Variants in PDE6B observed in about 807,000 individuals in gnomAD.
PDE6B encodes rod cGMP-specific 3',5'-cyclic phosphodiesterase subunit beta.
Under a neutral mutation model 109.0 loss-of-function variants are expected in PDE6B, and 106 were observed. The observed-to-expected ratio is 0.97, with a 90% CI of 0.83 to 1.14. PDE6B has a LOEUF of 1.14. PDE6B is among the 50% of genes most tolerant of loss of function. PDE6B has a pLI of 0.00. For missense variants in PDE6B, 1,193 were observed against 1,155.6 expected (o/e 1.03, Z -0.47); for synonymous variants, 490 against 471.3 (o/e 1.04, Z -0.51).
At position 657,043 on chromosome 4, in the gene PDE6B, T is replaced by C. The variant is rs777317740; in HGVS notation, c.1257+20T>C. 8 of 1,611,256 alleles carry C rather than the reference T, an allele frequency of 5.0e-6. No homozygotes were observed. The highest frequency in any genetic ancestry group is 6.8e-6 in the Non-Finnish European group (8 of 1,178,600). The stretch of plus-strand genomic sequence containing the variant: ...ATGGAGGTAAGCACCTGGGCAGACG[T>C]GGTTCCGCCGGGGATGCCCTGCGAG... On this transcript the variant is annotated intron_variant, in intron 9 of 21. Transcript: ENST00000496514.
At chr4:659,574 T>A (rs562367311) in intron 11 of PDE6B, among the ~76,000 whole-genome samples, 2 of 150,036 alleles carry the variant, frequency 1.3e-5, no homozygotes, top group Non-Finnish European at 3.0e-5. Context: ...CACATGTGGG[T>A]GTGTGTGTGC....
intron 1 of PDE6B, among the ~76,000 whole-genome samples, chr4:630,897 A>G (rs945535897): frequency 3.3e-5 from 5 of 152,206 alleles, no homozygotes; most frequent in African/African-American, 1.2e-4. Flanking sequence ...TGGAAGGACC[A>G]GGGAGTGAAT....
chr4:668,051 C>T, intron 21 of PDE6B, 45 bp downstream of exon 21: 2 of 1,576,916 alleles, frequency 1.3e-6, no homozygotes, highest in Non-Finnish European at 1.7e-6. Flanking sequence ...GGTGACTCTC[C>T]CAAGGCAAAA....
rs1737800311 is a variant in PDE6B at position 666,425 on chromosome 4, C to A, written c.2269-106C>A. On this transcript the variant is annotated intron_variant, in intron 19 of 21. Transcript: ENST00000496514. The surrounding 1 kb of genome is among the most constrained non-coding windows in gnomAD (Gnocchi z 5.6). ...TTCTGTCAGGCAGGCTCGTCCCAGGCTGTGTCTCCATGAGCACATCTGAGT... is the reference window on the plus strand; with the variant it reads ...TTCTGTCAGGCAGGCTCGTCCCAGGATGTGTCTCCATGAGCACATCTGAGT... The A allele has an allele frequency of 1.3e-6, 1 of 781,212 alleles. No individual in the cohort carries two copies. Among genetic ancestry groups the A allele is most frequent in the Non-Finnish European group, 2.3e-6 (1 of 434,480 alleles). 48.4% of individuals were successfully genotyped at this position (781,212 alleles called of 1,614,324 possible). A position where few individuals can be genotyped will look rare whatever the true frequency, so the allele number is the denominator to read the frequency against.
At position 625,709 on chromosome 4, in the gene PDE6B, G is replaced by A; in HGVS notation, c.83G>A (p.Ser28Asn). ...FARQYFGKKL[S>N]PENVAAACED... ...CGCCAGTACTTTGGGAAGAAACTGA[G>A]CCCTGAGAATGTGGCCGCGGCCTGC... Residue 28 changes from serine (S) to asparagine (N), a missense_variant, in exon 1 of 22, where the codon AGC (serine) becomes AAC (asparagine). Ser to Asn is a conservative substitution (Grantham distance 46). Coordinates refer to ENST00000496514, the MANE Select transcript of PDE6B (RefSeq NM_000283.4). The surrounding 1 kb of genome is among the most constrained non-coding windows in gnomAD (Gnocchi z 5.0). 2.5e-6 allele frequency: 4 copies of A among 1,613,876 alleles called. No individual in the cohort carries two copies. Among genetic ancestry groups the A allele is most frequent in the East Asian group, 2.2e-5 (1 of 44,880 alleles).
Position 648,885 on chromosome 4 carries a change from G to C in PDE6B, c.712-4967G>C, listed in dbSNP as rs1268407889. On this transcript the variant is annotated intron_variant, in intron 3 of 21. Coordinates refer to ENST00000496514, the MANE Select transcript of PDE6B (RefSeq NM_000283.4). This position sits in a 1 kb window ranked among gnomAD's most constrained non-coding sequence, Gnocchi z 4.5. ...GGGCGGAGGAGGTGCCCCGACTCAGGTCAGGCATGGGAGGAGCGGGGGAGC... is the reference window on the plus strand; with the variant it reads ...GGGCGGAGGAGGTGCCCCGACTCAGCTCAGGCATGGGAGGAGCGGGGGAGC... Among the ~76,000 whole-genome samples the C allele has an allele frequency of 6.6e-6, 1 of 152,256 alleles. No homozygotes were observed. The highest frequency in any genetic ancestry group is 2.4e-5 in the African/African-American group (1 of 41,474).
In PDE6B at chr4:636,523, C is replaced by T. The variant is rs915375150; in HGVS notation, c.711+554C>T. 2.6e-5 allele frequency among the ~76,000 whole-genome samples: 4 copies of T among 152,034 alleles called. No homozygotes were observed. Among genetic ancestry groups the T allele is most frequent in the Admixed American group, 2.0e-4 (3 of 15,272 alleles). The stretch of plus-strand genomic sequence containing the variant: ...GATGACCTCCAGGGCAGGTGGTCCT[C>T]CCGTCTGAGACCCTGGCTCAGGGGA... On this transcript the variant is annotated intron_variant, in intron 3 of 21. Transcript: ENST00000496514. This position sits in a 1 kb window ranked among gnomAD's most constrained non-coding sequence, Gnocchi z 4.5.
intron 3 of PDE6B, chr4:652,427 A>AT (rs1735663347): frequency 1.2e-6 from 1 of 824,452 alleles, no homozygotes. Context: ...GCAGGAAGAG[A>AT]GATAGAGAAA....
Position 663,519 on chromosome 4 carries a change from A to G in PDE6B, c.1921-251A>G, listed in dbSNP as rs530676374. 4.1e-4 allele frequency among the ~76,000 whole-genome samples: 63 copies of G among 151,848 alleles called. No homozygotes were observed. Among genetic ancestry groups the G allele is most frequent in the African/African-American group, 1.3e-3 (55 of 41,392 alleles). On this transcript the variant is annotated intron_variant, in intron 15 of 21. Transcript: ENST00000496514. This position sits in a 1 kb window ranked among gnomAD's most constrained non-coding sequence, Gnocchi z 4.0. ...CCCCAAGGACCTGGACACTCAGTGG[A>G]CCCCTCCCTGCGCTCCCCGGTGGTG...
chr4:656,502 C>T (rs999355898), intron 8 of PDE6B, among the ~76,000 whole-genome samples: 1 of 151,186 alleles, frequency 6.6e-6, no homozygotes, highest in Non-Finnish European at 1.5e-5. Flanking sequence ...CCCGCAAGGC[C>T]GTGACCGCGG....
At chr4:665,000 G>GCCAT in intron 18 of PDE6B, 56 bp downstream of exon 18, 1 of 1,404,082 alleles carries the variant, frequency 7.1e-7, no homozygotes, top group South Asian at 1.2e-5. Flanking sequence ...ACATGGGACT[G>GCCAT]CCGGGCGGGC....
At chr4:658,292 G>A (rs1159770389) in intron 10 of PDE6B, among the ~76,000 whole-genome samples, 11 of 127,206 alleles carry the variant, frequency 8.6e-5, no homozygotes, top group Admixed American at 3.2e-4. Context: ...GGGGCAGGTC[G>A]TCCAGGGGTC....
At chr4:637,190 G>A (rs566815261) in intron 3 of PDE6B, among the ~76,000 whole-genome samples, 50 of 151,470 alleles carry the variant, frequency 3.3e-4, no homozygotes, top group Non-Finnish European at 6.0e-4. Flanking sequence ...CCCTTTTTAC[G>A]TGACCCCATC....
In PDE6B at chr4:663,018, G is replaced by C; in HGVS notation, c.1833-82G>C. 1.2e-6 allele frequency: 1 copy of C among 817,608 alleles called. No individual in the cohort carries two copies. The highest frequency in any genetic ancestry group is 2.2e-6 in the Non-Finnish European group (1 of 455,626). 50.6% of individuals were successfully genotyped at this position (817,608 alleles called of 1,614,324 possible). A position where few individuals can be genotyped will look rare whatever the true frequency, so the allele number is the denominator to read the frequency against. ...ACCCTGTCTCAAAAAAAAGAAAGTG[G>C]GGCCCATCTGGGGGGGCTGCAGAGC... On this transcript the variant is annotated intron_variant, in intron 14 of 21. Transcript: ENST00000496514. This position sits in a 1 kb window ranked among gnomAD's most constrained non-coding sequence, Gnocchi z 4.0.
At chr4:657,158 G>A (rs1298267581) in intron 9 of PDE6B, 135 bp downstream of exon 9, 1 of 1,176,814 alleles carries the variant, frequency 8.5e-7, no homozygotes, top group East Asian at 2.4e-5. Flanking sequence ...TGCGGCCAGG[G>A]AGAGGACGAC....
At chr4:667,015 T>C (rs1224474580) in intron 20 of PDE6B, among the ~76,000 whole-genome samples, 2 of 152,146 alleles carry the variant, frequency 1.3e-5, no homozygotes, top group East Asian at 1.9e-4. Context: ...CGGGGCTGGG[T>C]CGGCCTGTCT....
At chr4:638,882 T>C (rs929442623) in intron 3 of PDE6B, among the ~76,000 whole-genome samples, 1 of 152,162 alleles carries the variant, frequency 6.6e-6, no homozygotes, top group Non-Finnish European at 1.5e-5. Context: ...AGGAAACTTG[T>C]TCATATTGGC....
chr4:660,291 G>T (rs1399077729), intron 11 of PDE6B, among the ~76,000 whole-genome samples, 176 bp from the exon 12 acceptor site: 2 of 152,240 alleles, frequency 1.3e-5, no homozygotes, highest in Non-Finnish European at 2.9e-5. Context: ...GTGAGGCTGA[G>T]CCAGGGGGGC....
rs781375358 is a variant in PDE6B, at chr4:653,941, C to A, written c.801C>A (p.Tyr267Ter). ...AGGCCTTCTACACGGTGCGGGCCTA[C>A]CTCAACTGCGAGCGGTACTCCGTGG... ...FHKAFYTVRAYLNCERYSVGL... is the reference protein window; with the variant it reads ...FHKAFYTVRA Residue 267 changes from tyrosine to a stop codon, truncating the protein, a stop_gained, in exon 4 of 22, where the codon TAC becomes TAA. Transcript: ENST00000496514. LOFTEE classifies it high-confidence loss of function. 6.8e-6 allele frequency: 11 copies of A among 1,613,780 alleles called. No individual in the cohort carries two copies. Among genetic ancestry groups the A allele is most frequent in the Non-Finnish European group, 8.5e-6 (10 of 1,180,018 alleles).
Sources: gnomAD v4.1 joint callset for allele counts (sites outside exome capture counted in the v4.1 genomes callset) on GRCh38, gnomAD v4.1.1 for gene constraint, Gnocchi (gnomAD v3.1) non-coding constraint, MANE v1.5 for transcripts, NCBI Gene and HGNC (gene_info 2026-07-23, HGNC 2026-07-21) for gene names.